The following MDGA2 variants were observed in gnomAD, a reference collection of about 807,000 sequenced individuals.
The protein encoded by MDGA2 is MAM domain containing glycosylphosphatidylinositol anchor 2, also known as MAM domain-containing glycosylphosphatidylinositol anchor protein 2.
Under a neutral mutation model 117.8 loss-of-function variants are expected in MDGA2, and 40 were observed. That is an observed-to-expected ratio of 0.34 (90% CI 0.26 to 0.44). The LOEUF (loss-of-function observed/expected upper bound fraction) is 0.44, where lower values mean the gene tolerates loss of function less well. Among genes scored for constraint, MDGA2 ranks in the 20% least tolerant of loss-of-function variants. MDGA2 has a pLI of 1.00. For synonymous variants in MDGA2, 452 were observed against 439.0 expected (o/e 1.03, Z -0.37); for missense variants, 1,123 against 1,250.6 (o/e 0.90, Z 1.54).
intron 1 of MDGA2, among the ~76,000 whole-genome samples, chr14:47,465,144 C>T (rs1893574196): frequency 6.6e-6 from 1 of 151,764 alleles, no homozygotes; most frequent in Non-Finnish European, 1.5e-5. Context: ...CTGGCTGAAG[C>T]TGGACCCCAT....
At chr14:47,073,481 A>T (rs1354690495) in intron 6 of MDGA2, among the ~76,000 whole-genome samples, 1 of 152,174 alleles carries the variant, frequency 6.6e-6, no homozygotes, top group African/African-American at 2.4e-5. Context: ...AGAATATCCA[A>T]ACACTAGATG....
intron 8 of MDGA2, among the ~76,000 whole-genome samples, chr14:46,968,556 G>A (rs551527662): frequency 5.0e-4 from 76 of 152,066 alleles, no homozygotes; most frequent in African/African-American, 1.7e-3. Flanking sequence ...GATTTGGGCC[G>A]GGCACAGTGA....
intron 7 of MDGA2, among the ~76,000 whole-genome samples, chr14:47,042,148 TATAA>T (rs1889092776): frequency 6.6e-6 from 1 of 152,010 alleles, no homozygotes; most frequent in Non-Finnish European, 1.5e-5. Flanking sequence ...ATATTTAACA[TATAA>T]ATAAATAAAA....
chr14:47,252,377 TATA>T (rs981735621), intron 2 of MDGA2, among the ~76,000 whole-genome samples: 1 of 152,120 alleles, frequency 6.6e-6, no homozygotes, highest in Admixed American at 6.5e-5. Context: ...TCACATAAAA[TATA>T]ATCATAATAC....
chr14:47,503,631 CTT>C (rs1894448736), intron 1 of MDGA2, among the ~76,000 whole-genome samples: 1 of 152,206 alleles, frequency 6.6e-6, no homozygotes, highest in South Asian at 2.1e-4. Context: ...GTCTCTCTCT[CTT>C]GACCTCGTGA....
intron 5 of MDGA2, among the ~76,000 whole-genome samples, chr14:47,112,306 A>T (rs1220102500): frequency 6.6e-6 from 1 of 152,130 alleles, no homozygotes; most frequent in Non-Finnish European, 1.5e-5. Context: ...ACATAGGTAA[A>T]CGTGTGCCAT....
chr14:47,661,261 T>C (rs922448514), intron 1 of MDGA2, among the ~76,000 whole-genome samples: 2 of 152,202 alleles, frequency 1.3e-5, no homozygotes, highest in Admixed American at 1.3e-4. Flanking sequence ...CCAGTAACTA[T>C]ATGGCGGTTA....
At chr14:47,340,890 C>A (rs1204525195) in intron 1 of MDGA2, among the ~76,000 whole-genome samples, 2 of 152,122 alleles carry the variant, frequency 1.3e-5, no homozygotes. Context: ...CACTCAAGAT[C>A]CAATGTCATA....
intron 8 of MDGA2, 93 bp downstream of exon 8, chr14:47,034,918 A>T: frequency 9.3e-7 from 1 of 1,080,236 alleles, no homozygotes; most frequent in Non-Finnish European, 1.4e-6. Flanking sequence ...CATTCAATCT[A>T]GTTACAAAAA....
chr14:47,414,460 G>A (rs188560639), intron 1 of MDGA2, among the ~76,000 whole-genome samples: 4 of 152,040 alleles, frequency 2.6e-5, no homozygotes, highest in African/African-American at 9.7e-5. Context: ...ACTATTAATG[G>A]AAAGAATAAT....
intron 1 of MDGA2, among the ~76,000 whole-genome samples, chr14:47,545,271 T>C (rs768028716): frequency 6.6e-6 from 1 of 152,176 alleles, no homozygotes; most frequent in Non-Finnish European, 1.5e-5. Context: ...CATTTAAGTG[T>C]CCATATTTAA....
rs529080034 is a variant in MDGA2 at position 46,899,506 on chromosome 14, A to C, written c.2239-17285T>G. Reference sequence around the variant, plus strand: ...CAGAAATATATTACTGCCCAAGACAATTAACATGGGCAAAAGAATATGTGC... The same window carrying C: ...CAGAAATATATTACTGCCCAAGACACTTAACATGGGCAAAAGAATATGTGC... On this transcript the variant is annotated intron_variant, in intron 10 of 16. Coordinates refer to ENST00000399232, the MANE Select transcript of MDGA2 (RefSeq NM_001113498.3). 1.6e-4 allele frequency among the ~76,000 whole-genome samples: 25 copies of C among 152,178 alleles called. 1 individual carries two copies. The highest frequency in any genetic ancestry group is 5.8e-4 in the African/African-American group (24 of 41,572).
chr14:47,101,076 G>GATAGATAT, intron 5 of MDGA2, among the ~76,000 whole-genome samples: 1 of 41,312 alleles, frequency 2.4e-5, no homozygotes, highest in Admixed American at 2.4e-4. Context: ...ATGGAGGGAC[G>GATAGATAT]ATAGATAGAT....
In MDGA2 at chr14:47,113,726, T is replaced by C. The variant is rs182460365; in HGVS notation, c.926-16603A>G. ...CAACATCCCTTCATGTTAAAAACTC[T>C]CAATAAACTAGGTATTGATGGAACA... On this transcript the variant is annotated intron_variant, in intron 5 of 16. Coordinates refer to ENST00000399232, the MANE Select transcript of MDGA2 (RefSeq NM_001113498.3). Among the ~76,000 whole-genome samples the C allele has an allele frequency of 3.3e-5, 5 of 152,232 alleles. No homozygotes were observed. In the East Asian group the frequency reaches 9.7e-4, roughly 29 times the overall value.
chr14:46,952,593 T>C (rs948089511), intron 9 of MDGA2, among the ~76,000 whole-genome samples: 7 of 152,004 alleles, frequency 4.6e-5, no homozygotes, highest in African/African-American at 1.7e-4. Context: ...TTGTGAATCA[T>C]AAAATATTAT....
intron 1 of MDGA2, among the ~76,000 whole-genome samples, chr14:47,368,137 C>T (rs571751717): frequency 1.3e-5 from 2 of 151,916 alleles, no homozygotes; most frequent in Non-Finnish European, 2.9e-5. Flanking sequence ...AAAAAATTAG[C>T]CGGGAGTGGT....
chr14:47,224,342 T>C (rs1213839151), intron 2 of MDGA2, among the ~76,000 whole-genome samples: 1 of 151,920 alleles, frequency 6.6e-6, no homozygotes, highest in Non-Finnish European at 1.5e-5. Flanking sequence ...TCCTGAAACA[T>C]CATTGCTTTT....
intron 15 of MDGA2, 97 bp downstream of exon 15, chr14:46,854,927 G>C: frequency 1.8e-6 from 2 of 1,137,512 alleles, no homozygotes; most frequent in East Asian, 2.6e-5. Flanking sequence ...TTATATCGTG[G>C]AATTTCTGAA....
At chr14:47,408,873 G>T (rs1892314285) in intron 1 of MDGA2, among the ~76,000 whole-genome samples, 1 of 152,132 alleles carries the variant, frequency 6.6e-6, no homozygotes, top group Non-Finnish European at 1.5e-5. Context: ...TATCAAGAAG[G>T]TAATATTTGA....
Sources: gnomAD v4.1 joint callset for allele counts (sites outside exome capture counted in the v4.1 genomes callset) on GRCh38, gnomAD v4.1.1 for gene constraint, MANE v1.5 for transcripts, NCBI Gene and HGNC (gene_info 2026-07-23, HGNC 2026-07-21) for gene names.